The following ZFYVE28 variants were observed in gnomAD, a reference collection of about 807,000 sequenced individuals.
ZFYVE28 encodes zinc finger FYVE-type containing 28.
A neutral mutation model predicts 82.1 loss-of-function variants in ZFYVE28; 40 were observed. That is an observed-to-expected ratio of 0.49 (90% CI 0.38 to 0.63). The LOEUF is 0.63. Ranked by LOEUF, ZFYVE28 falls within the 30% of genes least tolerant of loss-of-function variation. ZFYVE28 has a pLI of 0.00. For missense variants in ZFYVE28, 1,321 were observed against 1,242.1 expected (o/e 1.06, Z -0.96); for synonymous variants, 612 against 546.1 (o/e 1.12, Z -1.68).
At chr4:2,321,670 G>C (rs1560201079) in intron 6 of ZFYVE28, among the ~76,000 whole-genome samples, 1 of 152,176 alleles carries the variant, frequency 6.6e-6, no homozygotes, top group Non-Finnish European at 1.5e-5. Flanking sequence ...GACAAAGGCA[G>C]AGTGAAACAG....
chr4:2,353,874 C>T, intron 2 of ZFYVE28, 59 bp downstream of exon 2: 1 of 1,384,056 alleles, frequency 7.2e-7, no homozygotes, highest in Non-Finnish European at 9.4e-7. Flanking sequence ...CTACTGAGGA[C>T]AGGCCACTCT....
chr4:2,365,898 G>T (rs2108899097), intron 1 of ZFYVE28, among the ~76,000 whole-genome samples: 1 of 152,328 alleles, frequency 6.6e-6, no homozygotes, highest in South Asian at 2.1e-4. Context: ...TGGGGACTGG[G>T]GGCTCCCCTC....
chr4:2,389,429 C>T (rs968097850), intron 1 of ZFYVE28, among the ~76,000 whole-genome samples: 11 of 152,176 alleles, frequency 7.2e-5, no homozygotes, highest in Non-Finnish European at 1.5e-4. Flanking sequence ...GCCTCAGTGT[C>T]CACCACATGA....
chr4:2,375,381 C>T (rs577584504), intron 1 of ZFYVE28, among the ~76,000 whole-genome samples: 6 of 152,326 alleles, frequency 3.9e-5, no homozygotes, highest in South Asian at 4.1e-4. Context: ...AAGGAGGCCC[C>T]GGTACCTCCC....
At position 2,300,389 on chromosome 4, in the gene ZFYVE28, GAGA is replaced by G. The variant is rs1316394539; in HGVS notation, c.2051+3897_2051+3899del. 6.6e-6 allele frequency among the ~76,000 whole-genome samples: 1 copy of G among 152,194 alleles called. No homozygotes were observed. Among genetic ancestry groups the G allele is most frequent in the African/African-American group, 2.4e-5 (1 of 41,450 alleles). ...TCTCCAAAAGGATTCATTGACCACT[GAGA>G]AGGTCGGAAAGAAGCCAGTAAAATG... On this transcript the variant is annotated intron_variant, in intron 8 of 12. Transcript: ENST00000290974. The surrounding 1 kb of genome is among the most constrained non-coding windows in gnomAD (Gnocchi z 4.6).
Position 2,339,013 on chromosome 4 carries a change from C to T in ZFYVE28, c.521+440G>A, listed in dbSNP as rs1035155337. On this transcript the variant is annotated intron_variant, in intron 4 of 12. Transcript: ENST00000290974. This position sits in a 1 kb window ranked among gnomAD's most constrained non-coding sequence, Gnocchi z 5.0. ...TTTTTTAGTAGAGATGGGGTGTCACCGTGTTAGCCAGGATGGTCTCGATCT... is the reference window on the plus strand; with the variant it reads ...TTTTTTAGTAGAGATGGGGTGTCACTGTGTTAGCCAGGATGGTCTCGATCT... Among the ~76,000 whole-genome samples, 1 of 152,098 alleles carries T rather than the reference C, an allele frequency of 6.6e-6. No individual in the cohort carries two copies. The highest frequency in any genetic ancestry group is 1.5e-5 in the Non-Finnish European group (1 of 68,018).
chr4:2,356,912 T>C (rs1466083164), intron 1 of ZFYVE28, among the ~76,000 whole-genome samples: 5 of 152,116 alleles, frequency 3.3e-5, no homozygotes, highest in Non-Finnish European at 7.4e-5. Context: ...GGAGTCTCAC[T>C]CTGCTGTCCA....
chr4:2,273,986 G>T, intron 9 of ZFYVE28, 76 bp downstream of exon 9: 1 of 1,534,846 alleles, frequency 6.5e-7, no homozygotes, highest in Non-Finnish European at 8.9e-7. Context: ...GGTTGTACAC[G>T]CCCCGCCTGA....
intron 8 of ZFYVE28, among the ~76,000 whole-genome samples, chr4:2,281,135 T>C (rs1231614694): frequency 6.6e-6 from 1 of 151,968 alleles, no homozygotes; most frequent in Non-Finnish European, 1.5e-5. Context: ...GGAGGGGGAA[T>C]GGGTGGACAG....
intron 8 of ZFYVE28, among the ~76,000 whole-genome samples, chr4:2,281,392 A>G (rs1711950545): frequency 6.6e-6 from 1 of 152,108 alleles, no homozygotes; most frequent in Non-Finnish European, 1.5e-5. Context: ...TAGGTAATTT[A>G]TAATGAACAG....
In ZFYVE28 at chr4:2,417,215, G is replaced by A. The variant is rs1004314174; in HGVS notation, c.39+1070C>T. On this transcript the variant is annotated intron_variant, in intron 1 of 12. Transcript: ENST00000290974. This position sits in a 1 kb window ranked among gnomAD's most constrained non-coding sequence, Gnocchi z 4.8. ...GCCGCGGTGACCCCACCCGAGCCGT[G>A]ACCTCCCCCAAGATCTCAGGGCCCG... 2.0e-5 allele frequency among the ~76,000 whole-genome samples: 3 copies of A among 152,132 alleles called. No individual in the cohort carries two copies. In the South Asian group the frequency reaches 6.2e-4, roughly 31 times the overall value.
rs1407924128 is a variant in ZFYVE28, at chr4:2,293,507, A to G, written c.2051+10782T>C. Among the ~76,000 whole-genome samples, 6 of 152,292 alleles carry G rather than the reference A, an allele frequency of 3.9e-5. No homozygotes were observed. The South Asian group carries it at 6.2e-4, about 16-fold the overall frequency. On this transcript the variant is annotated intron_variant, in intron 8 of 12. Transcript: ENST00000290974. Reference sequence around the variant, plus strand: ...GGTGGCTCAAGCCTGTAATCCCAGCACTTTGGGAGGCCGAGGCAGGTGGAT... The same window carrying G: ...GGTGGCTCAAGCCTGTAATCCCAGCGCTTTGGGAGGCCGAGGCAGGTGGAT...
chr4:2,338,020 T>A (rs1205045374), intron 4 of ZFYVE28, among the ~76,000 whole-genome samples: 1 of 152,176 alleles, frequency 6.6e-6, no homozygotes, highest in African/African-American at 2.4e-5. Flanking sequence ...GGGCTCACCC[T>A]GGAGCCTGAC....
chr4:2,297,403 G>T (rs1016326692), intron 8 of ZFYVE28, among the ~76,000 whole-genome samples: 1 of 152,220 alleles, frequency 6.6e-6, no homozygotes, highest in African/African-American at 2.4e-5. Context: ...GAGGAGCTTG[G>T]TGGAATGACC....
chr4:2,381,365 C>G (rs753148288), intron 1 of ZFYVE28, among the ~76,000 whole-genome samples: 3 of 152,130 alleles, frequency 2.0e-5, no homozygotes, highest in Non-Finnish European at 2.9e-5. Context: ...ATAAGGGAAG[C>G]CAAGCATAAA....
At chr4:2,379,758 A>T (rs1445331847) in intron 1 of ZFYVE28, among the ~76,000 whole-genome samples, 1 of 152,180 alleles carries the variant, frequency 6.6e-6, no homozygotes, top group Non-Finnish European at 1.5e-5. Context: ...CATATTTATA[A>T]ATCTATAAAT....
At chr4:2,298,350 T>C (rs978040583) in intron 8 of ZFYVE28, among the ~76,000 whole-genome samples, 1 of 152,108 alleles carries the variant, frequency 6.6e-6, no homozygotes, top group African/African-American at 2.4e-5. Context: ...GTTGGTCCGT[T>C]TTGCATATGA....
At position 2,417,910 on chromosome 4, in the gene ZFYVE28, G is replaced by A. The variant is rs555164842; in HGVS notation, c.39+375C>T. ...AGGGGAGACGGAGAAGTAGTAGGGG[G>A]TCTGCTCCGGGCCCGCGGGCTGGGG... On this transcript the variant is annotated intron_variant, in intron 1 of 12. Coordinates refer to ENST00000290974, the MANE Select transcript of ZFYVE28 (RefSeq NM_020972.3). This position sits in a 1 kb window ranked among gnomAD's most constrained non-coding sequence, Gnocchi z 4.8. 1.3e-3 allele frequency among the ~76,000 whole-genome samples: 194 copies of A among 151,884 alleles called. 3 individuals are homozygous for A. In the Middle Eastern group the frequency reaches 0.031, roughly 24 times the overall value.
chr4:2,342,197 G>A (rs114833672), intron 2 of ZFYVE28, among the ~76,000 whole-genome samples: 298 of 152,260 alleles, frequency 2.0e-3, no homozygotes, highest in African/African-American at 6.9e-3. Context: ...CCAGGGTGGC[G>A]TCCCCTCCCA....
Sources: gnomAD v4.1 joint callset for allele counts (sites outside exome capture counted in the v4.1 genomes callset) on GRCh38, gnomAD v4.1.1 for gene constraint, Gnocchi (gnomAD v3.1) non-coding constraint, MANE v1.5 for transcripts, NCBI Gene and HGNC (gene_info 2026-07-23, HGNC 2026-07-21) for gene names.